SH3GL3: variants seen among roughly 807,000 people sequenced by gnomAD.
The protein encoded by SH3GL3 is SH3 domain containing GRB2 like 3, endophilin A3.
SH3GL3 carries 33 observed loss-of-function variants against 47.7 expected under a neutral mutation model. That is an observed-to-expected ratio of 0.69 (90% CI 0.52 to 0.92). The LOEUF is 0.92. Ranked by LOEUF, SH3GL3 falls within the 40% of genes least tolerant of loss-of-function variation. SH3GL3 has a pLI of 0.00. For synonymous variants in SH3GL3, 155 were observed against 148.8 expected (o/e 1.04, Z -0.30); for missense variants, 363 against 417.8 (o/e 0.87, Z 1.14).
chr15:83,565,259 A>G, intron 3 of SH3GL3, 53 bp downstream of exon 3: 1 of 957,134 alleles, frequency 1.0e-6, no homozygotes. Context: ...CTAATAACCC[A>G]TGTTTACTTG....
intron 1 of SH3GL3, among the ~76,000 whole-genome samples, chr15:83,492,550 G>A (rs946130965): frequency 1.3e-5 from 2 of 152,160 alleles, no homozygotes; most frequent in African/African-American, 2.4e-5. Context: ...TGTGTGCCAG[G>A]AACACCTGTG....
In SH3GL3 at chr15:83,448,824, C is replaced by G. The variant is rs1291248180; in HGVS notation, c.45+1246C>G. 6.6e-6 allele frequency among the ~76,000 whole-genome samples: 1 copy of G among 152,206 alleles called. No homozygotes were observed. Among genetic ancestry groups the G allele is most frequent in the African/African-American group, 2.4e-5 (1 of 41,458 alleles). ...ATATGGAAACTGGGTGATGCTGTTT[C>G]TAGCTGGGGGCACTGGGTGGACAGT... On this transcript the variant is annotated intron_variant, in intron 1 of 8. Transcript: ENST00000427482. This position sits in a 1 kb window ranked among gnomAD's most constrained non-coding sequence, Gnocchi z 4.2.
At chr15:83,586,947 G>T in intron 6 of SH3GL3, 36 bp from the exon 7 acceptor site, 1 of 1,166,488 alleles carries the variant, frequency 8.6e-7, no homozygotes, top group Non-Finnish European at 1.3e-6. Flanking sequence ...ACACAGGCTC[G>T]GGCCTCCATG....
At chr15:83,586,219 T>TGGG (rs1274027652) in intron 6 of SH3GL3, among the ~76,000 whole-genome samples, 1 of 152,144 alleles carries the variant, frequency 6.6e-6, no homozygotes, top group Non-Finnish European at 1.5e-5. Flanking sequence ...CTCAGACACG[T>TGGG]GGGGGAGCAG....
intron 1 of SH3GL3, among the ~76,000 whole-genome samples, chr15:83,545,607 G>C (rs1274333073): frequency 6.6e-6 from 1 of 152,174 alleles, no homozygotes; most frequent in Non-Finnish European, 1.5e-5. Flanking sequence ...GCATTGAAGA[G>C]TTAGGTATTT....
rs1441430783 is a variant in SH3GL3, at chr15:83,529,187, G to A, written c.46-30066G>A. Among the ~76,000 whole-genome samples, 4 of 152,308 alleles carry A rather than the reference G, an allele frequency of 2.6e-5. No homozygotes were observed. In the East Asian group the frequency reaches 7.7e-4, roughly 29 times the overall value. ...CCCAGCAGGTGGGCCAGTCCTTTGT[G>A]CCCAGTGGTGGCAGTGGTGGGCCAA... On this transcript the variant is annotated intron_variant, in intron 1 of 8. Transcript: ENST00000427482.
intron 1 of SH3GL3, among the ~76,000 whole-genome samples, chr15:83,505,349 C>T (rs1393430515): frequency 2.6e-5 from 4 of 151,926 alleles, no homozygotes; most frequent in African/African-American, 9.7e-5. Flanking sequence ...ATCTGCAGGA[C>T]GTGAAAGTTC....
intron 2 of SH3GL3, among the ~76,000 whole-genome samples, chr15:83,559,757 A>G (rs541233766): frequency 1.3e-5 from 2 of 152,314 alleles, no homozygotes; most frequent in African/African-American, 2.4e-5. Context: ...ATAGCAAGTA[A>G]CTTTTATCCT....
At chr15:83,562,077 A>ACACACC (rs2045316326) in intron 2 of SH3GL3, among the ~76,000 whole-genome samples, 1 of 123,952 alleles carries the variant, frequency 8.1e-6, no homozygotes, top group Non-Finnish European at 1.9e-5. Flanking sequence ...ACACACACAC[A>ACACACC]CACACTATAG....
chr15:83,509,800 A>G (rs1173693800), intron 1 of SH3GL3, among the ~76,000 whole-genome samples: 1 of 152,234 alleles, frequency 6.6e-6, no homozygotes, highest in Non-Finnish European at 1.5e-5. Flanking sequence ...GCCTTGAAAG[A>G]GTTTACAATC....
At chr15:83,535,649 C>T (rs2043870661) in intron 1 of SH3GL3, among the ~76,000 whole-genome samples, 1 of 152,204 alleles carries the variant, frequency 6.6e-6, no homozygotes, top group African/African-American at 2.4e-5. Flanking sequence ...GATTAATTCA[C>T]TTTCAAAGGT....
chr15:83,546,704 TGGTGTTTATTCAAGGCCCAGG>T (rs906833203), intron 1 of SH3GL3, among the ~76,000 whole-genome samples: 10 of 151,566 alleles, frequency 6.6e-5, no homozygotes, highest in East Asian at 2.0e-4. Context: ...TGGCTACAGA[TGGTGTTTATTCAAGGCCCAGG>T]GGTGTTTATT....
At chr15:83,531,476 T>G (rs1162605312) in intron 1 of SH3GL3, among the ~76,000 whole-genome samples, 1 of 152,054 alleles carries the variant, frequency 6.6e-6, no homozygotes, top group Non-Finnish European at 1.5e-5. Context: ...ACCAAGAGTT[T>G]AGGAATGGAG....
At chr15:83,619,328 A>C (rs568576651), downstream of SH3GL3, among the ~76,000 whole-genome samples, 19 of 152,334 alleles carry the variant, frequency 1.2e-4, no homozygotes, top group South Asian at 3.1e-3. Context: ...AACAAGTCAC[A>C]CAAATTCTGG....
At chr15:83,585,314 G>A (rs941633610) in intron 6 of SH3GL3, among the ~76,000 whole-genome samples, 5 of 152,220 alleles carry the variant, frequency 3.3e-5, no homozygotes, top group Non-Finnish European at 5.9e-5. Flanking sequence ...TTGTGTTTTA[G>A]CCACGACAGG....
intron 1 of SH3GL3, among the ~76,000 whole-genome samples, chr15:83,479,237 G>A (rs2041233155): frequency 6.6e-6 from 1 of 152,222 alleles, no homozygotes; most frequent in South Asian, 2.1e-4. Context: ...GATGGTTAGA[G>A]TGTGGGTTAG....
At chr15:83,470,826 G>C (rs2040799081) in intron 1 of SH3GL3, among the ~76,000 whole-genome samples, 1 of 151,976 alleles carries the variant, frequency 6.6e-6, no homozygotes, top group Admixed American at 6.6e-5. Context: ...GTTCACATGT[G>C]TGTGTATACA....
chr15:83,590,590 A>G (rs1183313277), intron 8 of SH3GL3, among the ~76,000 whole-genome samples: 1 of 152,142 alleles, frequency 6.6e-6, no homozygotes, highest in African/African-American at 2.4e-5. Flanking sequence ...TGCTGTTGTC[A>G]CTGTTTTTTA....
intron 1 of SH3GL3, among the ~76,000 whole-genome samples, chr15:83,472,098 C>T (rs965481247): frequency 6.6e-6 from 1 of 152,068 alleles, no homozygotes; most frequent in Non-Finnish European, 1.5e-5. Flanking sequence ...TGGCCAGGCT[C>T]ATCTCGAACT....
Sources: gnomAD v4.1 joint callset for allele counts (sites outside exome capture counted in the v4.1 genomes callset) on GRCh38, gnomAD v4.1.1 for gene constraint, Gnocchi (gnomAD v3.1) non-coding constraint, MANE v1.5 for transcripts, NCBI Gene and HGNC (gene_info 2026-07-23, HGNC 2026-07-21) for gene names.